The following RGSL1 variants were observed in gnomAD, a reference collection of about 807,000 sequenced individuals.
The protein encoded by RGSL1 is regulator of G protein signaling protein-like.
A neutral mutation model predicts 124.7 loss-of-function variants in RGSL1; 97 were observed. That is an observed-to-expected ratio of 0.78 (90% CI 0.66 to 0.92). The LOEUF is 0.92. RGSL1 is among the 40% of genes least tolerant of loss of function. The probability of loss-of-function intolerance (pLI) is 0.00; values close to 1 mark genes in which losing one functional copy is unlikely to be tolerated. For synonymous variants in RGSL1, 424 were observed against 438.1 expected (o/e 0.97, Z 0.40); for missense variants, 1,233 against 1,288.4 (o/e 0.96, Z 0.66).
intron 6 of RGSL1, among the ~76,000 whole-genome samples, 154 bp from the exon 7 acceptor site, chr1:182,488,131 G>C (rs1317744500): frequency 1.3e-5 from 2 of 152,212 alleles, no homozygotes; most frequent in African/African-American, 4.8e-5. Context: ...AATGCCTCCT[G>C]GTTGGTCATA....
At chr1:182,469,489 CA>C (rs934795255) in intron 4 of RGSL1, among the ~76,000 whole-genome samples, 8 of 151,422 alleles carry the variant, frequency 5.3e-5, no homozygotes, top group African/African-American at 1.9e-4. Context: ...CATTGTGTAC[CA>C]AAAAAAATAA....
chr1:182,509,882 T>C (rs1422874762), intron 9 of RGSL1, among the ~76,000 whole-genome samples: 4 of 134,416 alleles, frequency 3.0e-5, no homozygotes, highest in African/African-American at 1.1e-4. Context: ...ACTTCCCAGA[T>C]GGGGTGGCTG....
chr1:182,540,733 G>A (rs574245153), intron 15 of RGSL1, among the ~76,000 whole-genome samples: 87 of 152,206 alleles, frequency 5.7e-4, no homozygotes, highest in Non-Finnish European at 1.0e-3. Flanking sequence ...AACACCATGA[G>A]ACCAATATTC....
Position 182,489,048 on chromosome 1 carries a change from T to G in RGSL1, c.1563T>G (p.Leu521=), listed in dbSNP as rs1655327703. ...TTATAGGCAAAGAAGAGAACATTCT[T>G]CTTTATAAGAGGATTCAGCAGTCTC... ...REFIGKEENI[L]LYKRIQQSLE... Residue 521 remains leucine, a synonymous_variant, in exon 8 of 22, where the codon CTT becomes CTG. Coordinates refer to ENST00000294854, the MANE Select transcript of RGSL1 (RefSeq NM_001137669.2). 6.4e-7 allele frequency: 1 copy of G among 1,551,632 alleles called. No individual in the cohort carries two copies. Among genetic ancestry groups the G allele is most frequent in the Middle Eastern group, 1.7e-4 (1 of 5,982 alleles).
At chr1:182,540,484 G>A in intron 15 of RGSL1, 63 bp downstream of exon 15, 1 of 1,417,412 alleles carries the variant, frequency 7.1e-7, no homozygotes, top group Non-Finnish European at 9.5e-7. Context: ...GGACTGCCCA[G>A]CAGAAACTGG....
chr1:182,537,690 G>T (rs1659637440), intron 14 of RGSL1, among the ~76,000 whole-genome samples: 1 of 151,894 alleles, frequency 6.6e-6, no homozygotes, highest in South Asian at 2.1e-4. Context: ...ACCTTCCTTG[G>T]TATTCTACTA....
intron 12 of RGSL1, 141 bp downstream of exon 12, chr1:182,530,502 T>G: frequency 1.4e-6 from 1 of 697,440 alleles, no homozygotes; most frequent in South Asian, 1.9e-5. Context: ...CAAACTTATC[T>G]TGAACTTTCC....
chr1:182,508,290 G>GTTTTTTTT lies in RGSL1; in HGVS notation c.1826-13696_1826-13689dup, dbSNP rs58641894. 1.4e-3 allele frequency among the ~76,000 whole-genome samples: 75 copies of GTTTTTTTT among 53,784 alleles called. 5 individuals carry two copies. Among genetic ancestry groups the GTTTTTTTT allele is most frequent in the African/African-American group, 3.6e-3 (46 of 12,638 alleles). The allele number at this position is 53,784 out of a possible 152,430, so 35.3% of individuals were successfully genotyped here. A position where few individuals can be genotyped will look rare whatever the true frequency, so the allele number is the denominator to read the frequency against. ...GGTGATGGTTGTTGGTGGTGGTGGT[G>GTTTTTTTT]TTTTTTTTTTTTTTTTTTTTTTTTT... On this transcript the variant is annotated intron_variant, in intron 9 of 21. Coordinates refer to ENST00000294854, the MANE Select transcript of RGSL1 (RefSeq NM_001137669.2).
At chr1:182,520,145 T>G (rs1352713007) in intron 9 of RGSL1, among the ~76,000 whole-genome samples, 1 of 152,184 alleles carries the variant, frequency 6.6e-6, no homozygotes, top group African/African-American at 2.4e-5. Context: ...GATGAAGTTA[T>G]TTTCCTCCAG....
intron 2 of RGSL1, among the ~76,000 whole-genome samples, chr1:182,455,357 G>A (rs983640043): frequency 6.6e-6 from 1 of 152,164 alleles, no homozygotes; most frequent in Non-Finnish European, 1.5e-5. Context: ...CAAGGTGGGG[G>A]GATCACCTGA....
At chr1:182,521,346 TAGGCATGAGCCACTGTGCCC>T (rs2102235366) in intron 9 of RGSL1, among the ~76,000 whole-genome samples, 1 of 152,322 alleles carries the variant, frequency 6.6e-6, no homozygotes, top group African/African-American at 2.4e-5. Context: ...GCTGGGATTA[TAGGCATGAGCCACTGTGCCC>T]AGGCAATAAT....
intron 14 of RGSL1, among the ~76,000 whole-genome samples, chr1:182,534,033 C>G (rs1364529046): frequency 6.6e-6 from 1 of 152,132 alleles, no homozygotes; most frequent in African/African-American, 2.4e-5. Flanking sequence ...TGAGATGAGA[C>G]TGGAAGGATA....
chr1:182,458,494 G>A, intron 3 of RGSL1, 101 bp downstream of exon 3: 2 of 1,003,156 alleles, frequency 2.0e-6, no homozygotes, highest in Non-Finnish European at 3.0e-6. Context: ...TTTGGAGATG[G>A]GGTCTCATTC....
Position 182,551,223 on chromosome 1 carries a change from C to T in RGSL1, c.3043+14C>T, listed in dbSNP as rs775500428. The T allele has an allele frequency of 1.0e-4, 156 of 1,520,792 alleles. No homozygotes were observed. The highest frequency in any genetic ancestry group is 1.3e-4 in the Non-Finnish European group (143 of 1,120,186). The allele number at this position is 1,520,792 out of a possible 1,614,324, so 94.2% of individuals were successfully genotyped here. A position where few individuals can be genotyped will look rare whatever the true frequency, so the allele number is the denominator to read the frequency against. Reference sequence around the variant, plus strand: ...TCTCGAGTGGAGGTAAGCTCCACCACGACTCACAGCCCCATTCTCCAGCAA... The same window carrying T: ...TCTCGAGTGGAGGTAAGCTCCACCATGACTCACAGCCCCATTCTCCAGCAA... On this transcript the variant is annotated intron_variant, in intron 18 of 21. Coordinates refer to ENST00000294854, the MANE Select transcript of RGSL1 (RefSeq NM_001137669.2).
chr1:182,465,910 T>G (rs1653283822), intron 4 of RGSL1, among the ~76,000 whole-genome samples: 1 of 152,038 alleles, frequency 6.6e-6, no homozygotes, highest in Non-Finnish European at 1.5e-5. Flanking sequence ...TGCAAAAGTC[T>G]GCAATGAAAT....
intron 6 of RGSL1, among the ~76,000 whole-genome samples, chr1:182,486,739 G>A (rs1655127851): frequency 6.6e-6 from 1 of 152,158 alleles, no homozygotes; most frequent in Admixed American, 6.5e-5. Context: ...GCAATGGTGT[G>A]ATCTTAGCTC....
At chr1:182,495,698 G>A (rs1246818891) in intron 9 of RGSL1, among the ~76,000 whole-genome samples, 1 of 152,158 alleles carries the variant, frequency 6.6e-6, no homozygotes, top group East Asian at 1.9e-4. Flanking sequence ...TTTTCACCAA[G>A]ATATTGAGAT....
Position 182,473,751 on chromosome 1 carries a change from GA to G in RGSL1, c.641del (p.Glu214GlyfsTer14). On this transcript the variant is annotated frameshift_variant, in exon 6 of 22. Transcript: ENST00000294854. LOFTEE classifies it high-confidence loss of function. ...GGAAGCATGCCATGGTCTGATGCAAGAGTACGAGACTCGCTTATACAGCGTT... is the reference window on the plus strand; with the variant it reads ...GGAAGCATGCCATGGTCTGATGCAAGGTACGAGACTCGCTTATACAGCGTT... ...KEEACHGLMQEYETRLYSVCY... is the reference protein window; with the variant it reads ...KEEACHGLMQXYETRLYSVCY... 2 of 1,551,750 alleles carry G rather than the reference GA, an allele frequency of 1.3e-6. No homozygotes were observed. The highest frequency in any genetic ancestry group is 2.7e-5 in the African/African-American group (2 of 73,164).
chr1:182,542,220 A>G (rs1659936710), intron 15 of RGSL1, among the ~76,000 whole-genome samples: 1 of 152,074 alleles, frequency 6.6e-6, no homozygotes, highest in African/African-American at 2.4e-5. Flanking sequence ...CCTTTAGTAC[A>G]TTTTTATTTG....
Sources: gnomAD v4.1 joint callset for allele counts (sites outside exome capture counted in the v4.1 genomes callset) on GRCh38, gnomAD v4.1.1 for gene constraint, MANE v1.5 for transcripts, NCBI Gene and HGNC (gene_info 2026-07-23, HGNC 2026-07-21) for gene names.